Variants in SLC22A15 observed in about 807,000 individuals in gnomAD.
SLC22A15 encodes the protein flipt 1.
In SLC22A15, 45 loss-of-function variants were observed where a neutral mutation model predicts 62.7. That is an observed-to-expected ratio of 0.72 (90% confidence interval 0.56 to 0.92). The LOEUF is 0.92. Among genes scored for constraint, SLC22A15 ranks in the 40% least tolerant of loss-of-function variants. The pLI is 0.00. For missense variants in SLC22A15, 622 were observed against 665.6 expected (o/e 0.93, Z 0.72); for synonymous variants, 264 against 267.0 (o/e 0.99, Z 0.11).
intron 5 of SLC22A15, among the ~76,000 whole-genome samples, chr1:116,028,646 A>G (rs928017671): frequency 1.3e-5 from 2 of 151,880 alleles, no homozygotes; most frequent in Non-Finnish European, 2.9e-5. Flanking sequence ...AAGCAGAGAG[A>G]AAAGAACTCA....
At chr1:115,984,482 A>G (rs192759733) in intron 1 of SLC22A15, among the ~76,000 whole-genome samples, 40 of 152,334 alleles carry the variant, frequency 2.6e-4, no homozygotes, top group South Asian at 1.0e-3. Context: ...CATGCCCCAC[A>G]TAACAATGTT....
At position 115,988,447 on chromosome 1, in the gene SLC22A15, T is replaced by C. The variant is rs1374554602; in HGVS notation, c.88-3584T>C. On this transcript the variant is annotated intron_variant, in intron 1 of 11. Coordinates refer to ENST00000369503, the MANE Select transcript of SLC22A15 (RefSeq NM_018420.3). ...CCCATATTCTATGTGTAGGTGATTC[T>C]TCCCCATGGCTAGTTAATGCTAAGC... Among the ~76,000 whole-genome samples the C allele has an allele frequency of 3.3e-5, 5 of 152,328 alleles. 1 individual carries two copies. The highest frequency in any genetic ancestry group is 4.1e-4 in the South Asian group (2 of 4,832).
intron 2 of SLC22A15, among the ~76,000 whole-genome samples, chr1:116,003,416 G>T (rs765358949): frequency 3.3e-5 from 5 of 152,144 alleles, no homozygotes; most frequent in African/African-American, 7.2e-5. Flanking sequence ...AGTAATTGCA[G>T]TCTAGGCCAC....
rs1281744 is a variant in SLC22A15, at chr1:116,067,606, G to A, written c.*498G>A. 112,519 of 153,152 alleles carry A rather than the reference G, an allele frequency of 0.73. 44,958 individuals carry two copies. Among genetic ancestry groups the A allele is most frequent in the South Asian group, 0.9 (4,379 of 4,872 alleles). 9.5% of individuals were successfully genotyped at this position (153,152 alleles called of 1,614,324 possible). ...GTTAACATCAGCATTTTCATTTTGT[G>A]TCCAGGGAAAAGCACCCAGAGGTCA... On this transcript the variant is annotated 3_prime_UTR_variant, in exon 12 of 12. Coordinates refer to ENST00000369503, the MANE Select transcript of SLC22A15 (RefSeq NM_018420.3).
intron 7 of SLC22A15, among the ~76,000 whole-genome samples, chr1:116,036,966 C>A (rs1161291214): frequency 6.6e-6 from 1 of 152,106 alleles, no homozygotes; most frequent in African/African-American, 2.4e-5. Context: ...ATAGTACATG[C>A]CTACAGGAAT....
At chr1:116,046,208 TAAC>T (rs1425679344) in intron 8 of SLC22A15, among the ~76,000 whole-genome samples, 1 of 152,128 alleles carries the variant, frequency 6.6e-6, no homozygotes, top group African/African-American at 2.4e-5. Flanking sequence ...AAATATTTCT[TAAC>T]TAGGACACCA....
intron 6 of SLC22A15, chr1:116,032,720 C>A (rs1274204966): frequency 4.8e-6 from 4 of 835,940 alleles, no homozygotes; most frequent in Non-Finnish European, 5.8e-6. Flanking sequence ...ATTAAGAAAA[C>A]CGTTGAAAGC....
At chr1:115,999,395 A>G (rs564292087) in intron 2 of SLC22A15, among the ~76,000 whole-genome samples, 1 of 152,252 alleles carries the variant, frequency 6.6e-6, no homozygotes, top group East Asian at 1.9e-4. Flanking sequence ...TGATGTGCTG[A>G]AGTCTCCAGC....
chr1:116,032,675 A>T (rs1657466125), intron 6 of SLC22A15: 1 of 973,162 alleles, frequency 1.0e-6, no homozygotes, highest in African/African-American at 1.8e-5. Flanking sequence ...AATATCACAG[A>T]TGCATAATAA....
At chr1:116,058,880 G>A (rs369204089) in intron 8 of SLC22A15, among the ~76,000 whole-genome samples, 5 of 152,112 alleles carry the variant, frequency 3.3e-5, no homozygotes, top group African/African-American at 4.8e-5. Flanking sequence ...ACCAAACATC[G>A]TATGTTCTCA....
At chr1:116,062,704 C>A in intron 8 of SLC22A15, 58 bp from the exon 9 acceptor site, 1 of 1,604,908 alleles carries the variant, frequency 6.2e-7, no homozygotes, top group South Asian at 1.1e-5. Context: ...TGAAATGTGC[C>A]ATTTAGAGGA....
At chr1:116,032,053 C>G (rs551641115) in intron 6 of SLC22A15, 2 of 985,290 alleles carry the variant, frequency 2.0e-6, no homozygotes, top group Non-Finnish European at 2.4e-6. Flanking sequence ...CACTAACTCA[C>G]TGAGGTGGGC....
At chr1:116,039,006 A>G (rs1657712034) in intron 8 of SLC22A15, among the ~76,000 whole-genome samples, 1 of 152,168 alleles carries the variant, frequency 6.6e-6, no homozygotes, top group African/African-American at 2.4e-5. Context: ...ATAAATAACA[A>G]GACAAAAATC....
chr1:116,062,973 CT>C, intron 9 of SLC22A15, 91 bp downstream of exon 9: 2 of 1,505,372 alleles, frequency 1.3e-6, no homozygotes, highest in Non-Finnish European at 1.8e-6. Context: ...ATTTCATCTG[CT>C]TCTGGAGTTA....
intron 8 of SLC22A15, among the ~76,000 whole-genome samples, chr1:116,054,090 A>G (rs1658133544): frequency 6.6e-6 from 1 of 152,112 alleles, no homozygotes; most frequent in Non-Finnish European, 1.5e-5. Context: ...AAATGCTCCA[A>G]TTAAAAGACA....
At chr1:116,018,893 C>G (rs1656680241) in intron 2 of SLC22A15, among the ~76,000 whole-genome samples, 2 of 152,216 alleles carry the variant, frequency 1.3e-5, no homozygotes, top group Admixed American at 6.5e-5. Context: ...TAACAAATCT[C>G]TGGCTATTCT....
intron 3 of SLC22A15, 137 bp from the exon 4 acceptor site, chr1:116,020,584 C>A (rs1027922480): frequency 7.1e-5 from 48 of 678,218 alleles, no homozygotes; most frequent in East Asian, 1.1e-4. Context: ...CAAAAAAAAA[C>A]AAAAAGAAAC....
At chr1:116,026,342 C>T (rs1393119202) in intron 4 of SLC22A15, among the ~76,000 whole-genome samples, 3 of 151,752 alleles carry the variant, frequency 2.0e-5, no homozygotes, top group Admixed American at 6.6e-5. Flanking sequence ...TGCTTGAACC[C>T]GGGAGCCTGG....
At chr1:116,065,181 T>C (rs1658467692) in intron 10 of SLC22A15, among the ~76,000 whole-genome samples, 1 of 152,170 alleles carries the variant, frequency 6.6e-6, no homozygotes, top group Non-Finnish European at 1.5e-5. Context: ...CCAAGACTTT[T>C]TGAAAGCAAC....
Sources: gnomAD v4.1 joint callset for allele counts (sites outside exome capture counted in the v4.1 genomes callset) on GRCh38, gnomAD v4.1.1 for gene constraint, MANE v1.5 for transcripts, NCBI Gene and HGNC (gene_info 2026-07-23, HGNC 2026-07-21) for gene names.